Variants in TTLL5 observed in about 807,000 individuals in gnomAD.
TTLL5 encodes tubulin tyrosine ligase like 5.
A neutral mutation model predicts 168.4 loss-of-function variants in TTLL5; 132 were observed. That is an observed-to-expected ratio of 0.78 (90% CI 0.68 to 0.91). The LOEUF (loss-of-function observed/expected upper bound fraction) is 0.91, where lower values mean the gene tolerates loss of function less well. Among genes scored for constraint, TTLL5 ranks in the 40% least tolerant of loss-of-function variants. TTLL5 has a pLI of 0.00. For missense variants in TTLL5, 1,545 were observed against 1,581.5 expected (o/e 0.98, Z 0.39); for synonymous variants, 546 against 558.6 (o/e 0.98, Z 0.32).
At chr14:75,680,935 G>A (rs1226148151) in intron 3 of TTLL5, among the ~76,000 whole-genome samples, 1 of 152,124 alleles carries the variant, frequency 6.6e-6, no homozygotes, top group South Asian at 2.1e-4. Flanking sequence ...CCTAGAGCAG[G>A]GGTTTTTAAC....
At chr14:75,664,448 A>G (rs1883105364) in intron 2 of TTLL5, among the ~76,000 whole-genome samples, 1 of 152,202 alleles carries the variant, frequency 6.6e-6, no homozygotes, top group Non-Finnish European at 1.5e-5. Context: ...CTCCCAGGCT[A>G]TTTTGTAGGG....
At chr14:75,833,460 T>A (rs900883982) in intron 28 of TTLL5, among the ~76,000 whole-genome samples, 1 of 152,204 alleles carries the variant, frequency 6.6e-6, no homozygotes, top group Non-Finnish European at 1.5e-5. Context: ...TATGACCTAA[T>A]GTTTGAAAGC....
At chr14:75,827,030 A>G (rs751805909) in intron 28 of TTLL5, among the ~76,000 whole-genome samples, 2 of 152,212 alleles carry the variant, frequency 1.3e-5, no homozygotes, top group Non-Finnish European at 2.9e-5. Context: ...TAAGATGCTA[A>G]TAAGAAAAAA....
At chr14:75,905,128 C>T (rs2033092302) in intron 31 of TTLL5, among the ~76,000 whole-genome samples, 1 of 152,190 alleles carries the variant, frequency 6.6e-6, no homozygotes, top group African/African-American at 2.4e-5. Flanking sequence ...AGAAGAACAA[C>T]TCTCATAATA....
intron 3 of TTLL5, 51 bp from the exon 4 acceptor site, chr14:75,681,491 TTTG>T: frequency 7.0e-7 from 1 of 1,430,082 alleles, no homozygotes; most frequent in Non-Finnish European, 9.8e-7. Context: ...ACAGTTTATT[TTTG>T]TTTTTACAGT....
chr14:75,722,175 C>G (rs530896205), intron 12 of TTLL5, among the ~76,000 whole-genome samples: 2 of 152,216 alleles, frequency 1.3e-5, no homozygotes, highest in South Asian at 4.1e-4. Flanking sequence ...TAAAAACTCT[C>G]CTTCTGTCTC....
chr14:75,700,672 G>A (rs534434831), intron 7 of TTLL5, among the ~76,000 whole-genome samples: 10 of 152,226 alleles, frequency 6.6e-5, no homozygotes, highest in South Asian at 4.2e-4. Flanking sequence ...CCTCTTCCAC[G>A]TGTACTTTAC....
At chr14:75,867,190 C>T (rs191762734) in intron 29 of TTLL5, among the ~76,000 whole-genome samples, 25 of 152,206 alleles carry the variant, frequency 1.6e-4, no homozygotes, top group African/African-American at 5.3e-4. Context: ...ATGAGTGTGG[C>T]GGTCTTTCAA....
At chr14:75,724,916 C>G (rs1441635045) in intron 12 of TTLL5, among the ~76,000 whole-genome samples, 1 of 152,148 alleles carries the variant, frequency 6.6e-6, no homozygotes, top group East Asian at 1.9e-4. Context: ...AGAAAAACAG[C>G]CAAAAACAAC....
At chr14:75,905,313 C>A (rs527529097) in intron 31 of TTLL5, among the ~76,000 whole-genome samples, 4 of 152,316 alleles carry the variant, frequency 2.6e-5, no homozygotes, top group Non-Finnish European at 1.5e-5. Flanking sequence ...TTAATTCTTC[C>A]TGTAAGTCTT....
At chr14:75,923,635 T>A (rs2033904362) in intron 31 of TTLL5, among the ~76,000 whole-genome samples, 1 of 152,220 alleles carries the variant, frequency 6.6e-6, no homozygotes, top group Non-Finnish European at 1.5e-5. Flanking sequence ...TCCAATTATG[T>A]GGTCAATTTT....
At chr14:75,784,646 C>G (rs753523329) in intron 26 of TTLL5, among the ~76,000 whole-genome samples, 3 of 151,984 alleles carry the variant, frequency 2.0e-5, no homozygotes, top group Non-Finnish European at 2.9e-5. Flanking sequence ...TTTGTATTTC[C>G]TCTTTTTGAG....
At chr14:75,722,428 T>C (rs1289065840) in intron 12 of TTLL5, among the ~76,000 whole-genome samples, 2 of 152,134 alleles carry the variant, frequency 1.3e-5, no homozygotes, top group Non-Finnish European at 2.9e-5. Context: ...TAAAAAACTT[T>C]TTGTAGAAAT....
chr14:75,866,242 C>G (rs917945665), intron 29 of TTLL5, among the ~76,000 whole-genome samples: 14 of 152,174 alleles, frequency 9.2e-5, no homozygotes, highest in Non-Finnish European at 7.3e-5. Flanking sequence ...CTAGATCTGA[C>G]CATTATAATT....
rs1199897342 is a variant in TTLL5, at chr14:75,954,634, C to G, written c.*188C>G. 5 of 620,516 alleles carry G rather than the reference C, an allele frequency of 8.1e-6. No individual in the cohort carries two copies. The highest frequency in any genetic ancestry group is 3.7e-5 in the African/African-American group (2 of 54,174). The allele number at this position is 620,516 out of a possible 1,614,324, so 38.4% of individuals were successfully genotyped here. ...CCAATGCAGACTTTCACTGGGACAA[C>G]AAGAAAGCAGATCTTCTGGGTTTTG... On this transcript the variant is annotated 3_prime_UTR_variant, in exon 32 of 32. Coordinates refer to ENST00000298832, the MANE Select transcript of TTLL5 (RefSeq NM_015072.5).
At chr14:75,735,951 T>C (rs747756952) in intron 15 of TTLL5, among the ~76,000 whole-genome samples, 7 of 152,162 alleles carry the variant, frequency 4.6e-5, no homozygotes, top group South Asian at 2.1e-4. Flanking sequence ...GCCTTTAACA[T>C]TTCTTCTTAT....
chr14:75,902,567 A>G (rs1373309460), intron 31 of TTLL5: 3 of 475,132 alleles, frequency 6.3e-6, no homozygotes, highest in South Asian at 1.5e-5. Flanking sequence ...ATTCTCACAC[A>G]GCCCTGTGAG....
At chr14:75,701,394 G>A (rs1038767754) in intron 7 of TTLL5, among the ~76,000 whole-genome samples, 9 of 152,256 alleles carry the variant, frequency 5.9e-5, no homozygotes, top group South Asian at 4.1e-4. Context: ...GAAACTGGCC[G>A]CTGGTCTGGG....
chr14:75,792,150 A>C (rs1566606419), intron 26 of TTLL5, among the ~76,000 whole-genome samples: 1 of 147,812 alleles, frequency 6.8e-6, no homozygotes, highest in Non-Finnish European at 1.5e-5. Context: ...CTGATATTAC[A>C]GTTGAAAGAA....
Sources: gnomAD v4.1 joint callset for allele counts (sites outside exome capture counted in the v4.1 genomes callset) on GRCh38, gnomAD v4.1.1 for gene constraint, MANE v1.5 for transcripts, NCBI Gene and HGNC (gene_info 2026-07-23, HGNC 2026-07-21) for gene names.